The following CHEK2 variants were observed in gnomAD, a reference collection of about 807,000 sequenced individuals.
CHEK2 encodes checkpoint kinase 2.
A neutral mutation model predicts 69.1 loss-of-function variants in CHEK2; 71 were observed. That is an observed-to-expected ratio of 1.03 (90% confidence interval 0.85 to 1.25). CHEK2 has a LOEUF of 1.25. CHEK2 is among the 50% of genes most tolerant of loss of function. The probability of loss-of-function intolerance (pLI) is 0.00; values close to 1 mark genes in which losing one functional copy is unlikely to be tolerated. For synonymous variants in CHEK2, 189 were observed against 226.9 expected (o/e 0.83, Z 1.50); for missense variants, 664 against 649.6 (o/e 1.02, Z -0.24).
chr22:28,710,021 C>T lies in CHEK2; in HGVS notation c.831G>A (p.Leu277=). Residue 277 remains leucine (L), a synonymous_variant, in exon 7 of 15, where the codon TTG becomes TTA. Transcript: ENST00000404276. ...TAATACTTACATGATTTAGCTTTTT[C>T]AAAATTTCTATTTCTGTTTCAACAT... ...ALNVETEIEI[L]KKLNHPCIIK... The T allele has an allele frequency of 6.5e-7, 1 of 1,549,754 alleles. No homozygotes were observed. Among genetic ancestry groups the T allele is most frequent in the Non-Finnish European group, 8.9e-7 (1 of 1,123,850 alleles).
chr22:28,718,883 A>C (rs200890368), intron 5 of CHEK2, among the ~76,000 whole-genome samples: 1 of 140,450 alleles, frequency 7.1e-6, no homozygotes, highest in Non-Finnish European at 1.5e-5. Context: ...CTCTGACACT[A>C]ACACACACAC....
intron 2 of CHEK2, among the ~76,000 whole-genome samples, chr22:28,733,593 G>A (rs984892596): frequency 6.6e-6 from 1 of 152,118 alleles, no homozygotes; most frequent in African/African-American, 2.4e-5. Context: ...AATAGGGTCT[G>A]AAGGCAGGGA....
rs2146063019 is a variant in CHEK2, at chr22:28,725,150, G to A, written c.445-26C>T. ...CTAAAATAGAGAACATTTTGTTTCA[G>A]ACTTTGAATAGCAGAGATTTATAGT... On this transcript the variant is annotated intron_variant, in intron 3 of 14. Coordinates refer to ENST00000404276, the MANE Select transcript of CHEK2 (RefSeq NM_007194.4). 6.2e-7 allele frequency: 1 copy of A among 1,613,948 alleles called. No individual in the cohort carries two copies. Among genetic ancestry groups the A allele is most frequent in the Non-Finnish European group, 8.5e-7 (1 of 1,179,954 alleles).
At chr22:28,721,535 C>T (rs1339085311) in intron 4 of CHEK2, 2 of 421,452 alleles carry the variant, frequency 4.7e-6, no homozygotes, top group Non-Finnish European at 9.8e-6. Flanking sequence ...GATCTGCCAG[C>T]CTCGGCCTCC....
Position 28,689,660 on chromosome 22 carries a change from C to A in CHEK2, c.1462-445G>T, listed in dbSNP as rs2052275591. Reference sequence around the variant, plus strand: ...CTGTCCTAACAACCAGCCCAGCACCCTAGGAAAATTCACCCAGCAGATGCC... The same window carrying A: ...CTGTCCTAACAACCAGCCCAGCACCATAGGAAAATTCACCCAGCAGATGCC... On this transcript the variant is annotated intron_variant, in intron 13 of 14. Transcript: ENST00000404276. Among the ~76,000 whole-genome samples the A allele has an allele frequency of 2.6e-5, 4 of 152,266 alleles. No individual in the cohort carries two copies. In the South Asian group the frequency reaches 8.3e-4, roughly 32 times the overall value.
chr22:28,720,491 A>C (rs1289609215), intron 4 of CHEK2, among the ~76,000 whole-genome samples: 1 of 152,226 alleles, frequency 6.6e-6, no homozygotes, highest in Admixed American at 6.5e-5. Flanking sequence ...AGCCTGTGAT[A>C]AATTATCAAA....
At chr22:28,726,411 A>T (rs1438366166) in intron 2 of CHEK2, 2 of 147,154 alleles carry the variant, frequency 1.4e-5, no homozygotes, top group African/African-American at 4.9e-5. Flanking sequence ...TTATATATTT[A>T]TTTTATATTT....
chr22:28,698,160 G>A (rs569771310), intron 9 of CHEK2, among the ~76,000 whole-genome samples: 187 of 147,406 alleles, frequency 1.3e-3, no homozygotes, highest in Non-Finnish European at 2.3e-3. Flanking sequence ...GGAGCTCAAG[G>A]CAGGCGGATA....
chr22:28,708,952 C>CCAAAAAAAAA, intron 7 of CHEK2: 1 of 328,454 alleles, frequency 3.0e-6, no homozygotes, highest in Non-Finnish European at 5.8e-6. Context: ...GCCTCCGTCT[C>CCAAAAAAAAA]AAAAAAAAAA....
chr22:28,693,692 C>G (rs2052449544), intron 13 of CHEK2, among the ~76,000 whole-genome samples: 1 of 152,146 alleles, frequency 6.6e-6, no homozygotes, highest in Non-Finnish European at 1.5e-5. Context: ...AACCCCATCT[C>G]TACAAAAAAT....
intron 13 of CHEK2, among the ~76,000 whole-genome samples, chr22:28,691,054 A>T (rs77791557): frequency 0.049 from 4,866 of 98,902 alleles, no homozygotes; most frequent in Middle Eastern, 0.16. Context: ...TCTGGATTCT[A>T]CTCCGCACCC....
chr22:28,693,082 C>A (rs2052426661), intron 13 of CHEK2, among the ~76,000 whole-genome samples: 1 of 152,080 alleles, frequency 6.6e-6, no homozygotes, highest in Non-Finnish European at 1.5e-5. Flanking sequence ...TGAGAACAGA[C>A]TAATACACAA....
rs1217608176 is a variant in CHEK2, at chr22:28,734,497, A to C, written c.225T>G (p.Pro75=). The stretch of plus-strand genomic sequence containing the variant: ...CTTGGTCCTCAGGTTCTTGGTCCTC[A>C]GGAATAGAATAGAGTTCCTGAGTGG... ...TVSTQELYSI[P]EDQEPEDQEP... The change falls in exon 2 of 15, where the codon CCT becomes CCG. Residue 75 remains proline, a synonymous_variant. Transcript: ENST00000404276. The C allele has an allele frequency of 9.3e-6, 15 of 1,613,984 alleles. No homozygotes were observed. Among genetic ancestry groups the C allele is most frequent in the Non-Finnish European group, 1.3e-5 (15 of 1,180,016 alleles).
chr22:28,698,072 A>G (rs1032691211), intron 9 of CHEK2, among the ~76,000 whole-genome samples: 6 of 152,004 alleles, frequency 3.9e-5, no homozygotes, highest in African/African-American at 1.4e-4. Context: ...CACAAAAATT[A>G]AAATTAAAAT....
intron 7 of CHEK2, among the ~76,000 whole-genome samples, chr22:28,706,003 C>G (rs200337500): frequency 2.3e-4 from 6 of 26,424 alleles, no homozygotes; most frequent in Admixed American, 2.2e-3. Context: ...TAAACTAAAG[C>G]AAGGGACAGG....
chr22:28,734,833 A>C, intron 1 of CHEK2, 106 bp from the exon 2 acceptor site: 1 of 924,578 alleles, frequency 1.1e-6, no homozygotes, highest in Non-Finnish European at 1.6e-6. Context: ...AAGAAAAAAA[A>C]AAAAACAGGG....
chr22:28,699,852 G>A lies in CHEK2; in HGVS notation c.994C>T (p.Leu332Phe), dbSNP rs1555915348. ...ATCKLYFYQM[L>F]LAVQYLHENG... ...GCTTCTTTTACCTGCACAGCCAAGA[G>A]CATCTGGTAAAAATAGAGCTTGCAG... Residue 332 changes from leucine to phenylalanine, a missense_variant, in exon 9 of 15, where the codon CTC becomes TTC. Transcript: ENST00000404276. The A allele has an allele frequency of 6.2e-7, 1 of 1,612,934 alleles. No individual in the cohort carries two copies. The highest frequency in any genetic ancestry group is 8.5e-7 in the Non-Finnish European group (1 of 1,178,942).
At position 28,703,536 on chromosome 22, in the gene CHEK2, CA is replaced by C. The variant is rs772683219; in HGVS notation, c.876del (p.Phe292LeufsTer12). ...AAAACAATATAATAATCTTCTGCAT[CA>C]AAAAAGTTTTTAATCTTGATGATGC... Reference protein sequence around the residue: ...HPCIIKIKNFFDAEDYYIVLE... With the variant: ...HPCIIKIKNFXDAEDYYIVLE... On this transcript the variant is annotated frameshift_variant, in exon 8 of 15. Coordinates refer to ENST00000404276, the MANE Select transcript of CHEK2 (RefSeq NM_007194.4). LOFTEE classifies it high-confidence loss of function. 15 of 1,555,814 alleles carry C rather than the reference CA, an allele frequency of 9.6e-6. No homozygotes were observed. The highest frequency in any genetic ancestry group is 2.7e-5 in the African/African-American group (2 of 73,772).
At chr22:28,712,067 G>A (rs761577521) in intron 5 of CHEK2, 50 bp from the exon 6 acceptor site, 1 of 1,253,434 alleles carries the variant, frequency 8.0e-7, no homozygotes, top group African/African-American at 1.5e-5. Context: ...TTAATTATGA[G>A]ACCTACCACT....
Sources: allele counts gnomAD v4.1 joint callset (sites outside exome capture counted in the v4.1 genomes callset), GRCh38; gene constraint gnomAD v4.1.1; transcripts MANE v1.5; gene names NCBI Gene and HGNC (gene_info 2026-07-23, HGNC 2026-07-21).